ABCA6: variants seen among roughly 807,000 people sequenced by gnomAD.
ABCA6 encodes ATP-binding cassette sub-family A member 6.
ABCA6 carries 164 observed loss-of-function variants against 191.2 expected under a neutral mutation model. That is an observed-to-expected ratio of 0.86 (90% CI 0.76 to 0.98). The LOEUF (loss-of-function observed/expected upper bound fraction) is 0.98, where lower values mean the gene tolerates loss of function less well. Ranked by LOEUF, ABCA6 falls within the 50% of genes least tolerant of loss-of-function variation. The pLI, the probability that ABCA6 is intolerant of heterozygous loss-of-function variation, is 0.00. For missense variants in ABCA6, 1,958 were observed against 1,894.1 expected, an observed-to-expected ratio of 1.03 and a Z score of -0.63; for synonymous variants, 636 against 647.7, an observed-to-expected ratio of 0.98 and a Z score of 0.27.
chr17:69,125,911 A>C (rs1350144104), intron 8 of ABCA6, among the ~76,000 whole-genome samples: 1 of 152,154 alleles, frequency 6.6e-6, no homozygotes, highest in Admixed American at 6.6e-5. Context: ...ATATCTTCAT[A>C]AACTAAGATG....
At chr17:69,083,130 C>A (rs573389215) in intron 35 of ABCA6, 82 bp downstream of exon 35, 4 of 1,566,548 alleles carry the variant, frequency 2.6e-6, no homozygotes, top group Admixed American at 1.9e-5. Flanking sequence ...CGGAAGGGCT[C>A]CAGCCACACA....
chr17:69,085,848 T>TTATC, intron 30 of ABCA6, 132 bp from the exon 31 acceptor site: 2 of 628,242 alleles, frequency 3.2e-6, no homozygotes, highest in Non-Finnish European at 5.6e-6. Context: ...AACATATATG[T>TTATC]AATCCACGTC....
intron 12 of ABCA6, 64 bp from the exon 13 acceptor site, chr17:69,115,001 C>T (rs1321165839): frequency 8.8e-6 from 11 of 1,249,210 alleles, no homozygotes; most frequent in Non-Finnish European, 1.2e-5. Context: ...TCATAGATCT[C>T]ATTTAAGAAA....
At position 69,098,759 on chromosome 17, in the gene ABCA6, G is replaced by T. The variant is rs2073109110; in HGVS notation, c.3013-732C>A. 2.0e-5 allele frequency among the ~76,000 whole-genome samples: 3 copies of T among 151,688 alleles called. No individual in the cohort carries two copies. In the South Asian group the frequency reaches 6.3e-4, roughly 32 times the overall value. ...CCACTTATATAAGGTTTCTAAACTA[G>T]TAATATTCATAGAAACATAATAGGA... On this transcript the variant is annotated intron_variant, in intron 22 of 38. Coordinates refer to ENST00000284425, the MANE Select transcript of ABCA6 (RefSeq NM_080284.3).
chr17:69,117,110 C>T (rs1208403574), intron 11 of ABCA6, among the ~76,000 whole-genome samples: 1 of 152,000 alleles, frequency 6.6e-6, no homozygotes, highest in Non-Finnish European at 1.5e-5. Flanking sequence ...AATAAAATTG[C>T]TCATACAAAT....
chr17:69,115,422 T>C lies in ABCA6; in HGVS notation c.1560A>G (p.Lys520=), dbSNP rs1266675872. The change falls in exon 12 of 39, where the codon AAA becomes AAG. Residue 520 remains lysine, a synonymous_variant. Coordinates refer to ENST00000284425, the MANE Select transcript of ABCA6 (RefSeq NM_080284.3). ...TAILGHSGAG[K]SSLLNILNGL... ...CATTAAGAATATTTAGCAGTGAAGA[T>C]TTGCCAGCTCCACTGTGACCCAGGA... The C allele has an allele frequency of 3.1e-6, 5 of 1,611,970 alleles. No individual in the cohort carries two copies. In the African/African-American group the frequency reaches 4.0e-5, roughly 13 times the overall value.
chr17:69,084,072 C>A (rs1269753261), intron 34 of ABCA6, among the ~76,000 whole-genome samples, 189 bp downstream of exon 34: 1 of 152,150 alleles, frequency 6.6e-6, no homozygotes, highest in Admixed American at 6.5e-5. Context: ...GTCTTTTTAA[C>A]CTGAATACCA....
rs569807794 is a variant in ABCA6, at chr17:69,100,992, G to A, written c.2875-58C>T. On this transcript the variant is annotated intron_variant, in intron 21 of 38. Transcript: ENST00000284425. ...CTAAATTCTTAAAGAACAAAGGCAA[G>A]GTTTATGTATAAAAGATCCTAACAG... 1.1e-4 allele frequency: 162 copies of A among 1,411,352 alleles called. No individual in the cohort carries two copies. The Middle Eastern group carries it at 2.4e-3, about 21-fold the overall frequency. 87.4% of individuals were successfully genotyped at this position (1,411,352 alleles called of 1,614,324 possible).
chr17:69,117,793 T>G (rs997292077), intron 11 of ABCA6, 105 bp downstream of exon 11: 2 of 758,858 alleles, frequency 2.6e-6, no homozygotes, highest in Non-Finnish European at 4.3e-6. Flanking sequence ...TATTCTTTTT[T>G]CTTTTGCTTA....
chr17:69,090,587 G>C (rs1002271563), intron 26 of ABCA6, among the ~76,000 whole-genome samples: 8 of 152,160 alleles, frequency 5.3e-5, no homozygotes, highest in Non-Finnish European at 8.8e-5. Flanking sequence ...TAAGTTTCTT[G>C]TATTAACTTG....
In ABCA6 at chr17:69,110,801, C is replaced by T. The variant is rs200566394; in HGVS notation, c.2272G>A (p.Asp758Asn). ...TTCATTGTAATCATAGTTGAGTTAC[C>T]TGGAAATGTATTTGTCCTTTCCAGT... The part of the protein sequence containing the change: ...LPLERTNTFP[D>N]LFSDLDKCSD... Residue 758 changes from aspartate to asparagine, a missense_variant and splice_region_variant, in exon 17 of 39, where the codon GAT becomes AAT. Transcript: ENST00000284425. 11 of 1,601,662 alleles carry T rather than the reference C, an allele frequency of 6.9e-6. 1 individual carries two copies. The East Asian group carries it at 2.2e-4, about 33-fold the overall frequency.
Position 69,106,050 on chromosome 17 carries a change from G to A in ABCA6, c.2551C>T (p.Gln851Ter), listed in dbSNP as rs1425536658. 4.3e-6 allele frequency: 7 copies of A among 1,612,440 alleles called. No individual in the cohort carries two copies. Among genetic ancestry groups the A allele is most frequent in the Middle Eastern group, 1.7e-4 (1 of 6,046 alleles). ...CACAGGGTCAATAACACTTTAGTTT[G>A]ACGTTTTAACTTTAAGAAACGGAGC... ...ARLRFLKLKR[Q>*]TKVLLTLLLV... The change falls in exon 19 of 39, where the codon CAA becomes TAA. Residue 851 changes from glutamine to a stop codon, truncating the protein, a stop_gained. Transcript: ENST00000284425. LOFTEE classifies it high-confidence loss of function.
chr17:69,127,823 A>T (rs1305129418), intron 8 of ABCA6, among the ~76,000 whole-genome samples: 1 of 152,116 alleles, frequency 6.6e-6, no homozygotes, highest in Non-Finnish European at 1.5e-5. Flanking sequence ...TGTGTACTAG[A>T]ATGTTTGTAG....
At position 69,123,417 on chromosome 17, in the gene ABCA6, C is replaced by A; in HGVS notation, c.1268-10G>T. On this transcript the variant is annotated splice_polypyrimidine_tract_variant and intron_variant, in intron 9 of 38. Transcript: ENST00000284425. ...TGGCGCTCATCTCCATCTAATTAAC[C>A]AAGAGGCAACAAAATATGATCAGTA... The A allele has an allele frequency of 6.2e-6, 9 of 1,448,082 alleles. No individual in the cohort carries two copies. Among genetic ancestry groups the A allele is most frequent in the Non-Finnish European group, 8.3e-6 (9 of 1,082,952 alleles). 89.7% of individuals were successfully genotyped at this position (1,448,082 alleles called of 1,614,324 possible).
intron 25 of ABCA6, among the ~76,000 whole-genome samples, chr17:69,092,980 A>G (rs1431650703): frequency 6.6e-6 from 1 of 152,206 alleles, no homozygotes; most frequent in Non-Finnish European, 1.5e-5. Flanking sequence ...GTGAAGAGGT[A>G]TAATTTTAAA....
chr17:69,130,264 C>T (rs1010993483), intron 6 of ABCA6, among the ~76,000 whole-genome samples: 1 of 151,682 alleles, frequency 6.6e-6, no homozygotes, highest in Non-Finnish European at 1.5e-5. Context: ...TTTCAGTGAG[C>T]TGTGATCATG....
At chr17:69,133,256 T>A (rs1371721194) in intron 6 of ABCA6, among the ~76,000 whole-genome samples, 1 of 152,190 alleles carries the variant, frequency 6.6e-6, no homozygotes, top group East Asian at 1.9e-4. Context: ...AGAAATCAAC[T>A]GTTAACTGTA....
At position 69,122,710 on chromosome 17, in the gene ABCA6, G is replaced by C. The variant is rs185004806; in HGVS notation, c.1436+529C>G. Among the ~76,000 whole-genome samples the C allele has an allele frequency of 1.2e-4, 19 of 152,014 alleles. No individual in the cohort carries two copies. The East Asian group carries it at 3.5e-3, about 28-fold the overall frequency. ...AGGAGCAAGTATAAAAGAGAGGTGG[G>C]CACAAGAGAAAGAGGCAGAAAGGGG... On this transcript the variant is annotated intron_variant, in intron 10 of 38. Transcript: ENST00000284425.
chr17:69,091,304 C>T, intron 25 of ABCA6, 42 bp from the exon 26 acceptor site: 1 of 1,595,986 alleles, frequency 6.3e-7, no homozygotes, highest in Non-Finnish European at 8.5e-7. Flanking sequence ...ACATACTCAA[C>T]CCATTGATAT....
Sources: allele counts gnomAD v4.1 joint callset (sites outside exome capture counted in the v4.1 genomes callset), GRCh38; gene constraint gnomAD v4.1.1; transcripts MANE v1.5; gene names NCBI Gene and HGNC (gene_info 2026-07-23, HGNC 2026-07-21).